AP4E1: variants seen among roughly 807,000 people sequenced by gnomAD.
AP4E1 encodes AP-4 complex subunit epsilon-1.
AP4E1 carries 56 observed loss-of-function variants against 128.2 expected under a neutral mutation model. That is an observed-to-expected ratio of 0.44 (90% CI 0.35 to 0.55). AP4E1 has a LOEUF of 0.55. Among genes scored for constraint, AP4E1 ranks in the 20% least tolerant of loss-of-function variants. The pLI, the probability that AP4E1 is intolerant of heterozygous loss-of-function variation, is 0.00. For missense variants in AP4E1, 1,324 were observed against 1,307.7 expected, an observed-to-expected ratio of 1.01 and a Z score of -0.19; for synonymous variants, 484 against 473.1, an observed-to-expected ratio of 1.02 and a Z score of -0.30.
At chr15:50,937,244 C>T (rs1358715421) in intron 8 of AP4E1, among the ~76,000 whole-genome samples, 1 of 152,160 alleles carries the variant, frequency 6.6e-6, no homozygotes, top group African/African-American at 2.4e-5. Flanking sequence ...ACCAGCATAT[C>T]TCAGTAGCTG....
chr15:50,937,193 T>C (rs1200149150), intron 8 of AP4E1, among the ~76,000 whole-genome samples: 1 of 152,212 alleles, frequency 6.6e-6, no homozygotes, highest in Non-Finnish European at 1.5e-5. Context: ...TTAATTTTAA[T>C]TGTAAGCTTC....
intron 16 of AP4E1, among the ~76,000 whole-genome samples, chr15:50,991,099 A>G (rs1177349078): frequency 6.6e-6 from 1 of 152,208 alleles, no homozygotes; most frequent in African/African-American, 2.4e-5. Context: ...CCATTCATCC[A>G]TCACTGGATG....
chr15:50,910,606 T>G (rs1044877642), intron 1 of AP4E1, among the ~76,000 whole-genome samples: 5 of 152,252 alleles, frequency 3.3e-5, no homozygotes, highest in African/African-American at 1.2e-4. Flanking sequence ...GTTGATGCTA[T>G]CCGGAGAGAA....
At chr15:50,969,102 C>T (rs982215074) in intron 15 of AP4E1, among the ~76,000 whole-genome samples, 7 of 151,664 alleles carry the variant, frequency 4.6e-5, no homozygotes, top group Non-Finnish European at 8.8e-5. Context: ...CAGCTTATTT[C>T]ATCACCCAGG....
intron 14 of AP4E1, among the ~76,000 whole-genome samples, chr15:50,960,112 A>C (rs2064290442): frequency 6.6e-6 from 1 of 152,156 alleles, no homozygotes; most frequent in South Asian, 2.1e-4. Flanking sequence ...CACTGAAGCA[A>C]ATATATATAA....
intron 5 of AP4E1, among the ~76,000 whole-genome samples, chr15:50,925,533 T>C (rs984135028): frequency 6.6e-6 from 1 of 152,188 alleles, no homozygotes; most frequent in Non-Finnish European, 1.5e-5. Context: ...AGCTCCTTAG[T>C]TCTACCAAAG....
intron 15 of AP4E1, among the ~76,000 whole-genome samples, chr15:50,969,663 T>C (rs2140895791): frequency 6.7e-6 from 1 of 149,820 alleles, no homozygotes; most frequent in South Asian, 2.1e-4. Context: ...TATCTTTCTT[T>C]TTTTTTTTTT....
intron 10 of AP4E1, among the ~76,000 whole-genome samples, chr15:50,946,632 A>G (rs2064065283): frequency 6.6e-6 from 1 of 152,244 alleles, no homozygotes; most frequent in Non-Finnish European, 1.5e-5. Flanking sequence ...TTGAAAAATT[A>G]GAACCCTAAA....
chr15:50,968,110 A>G (rs1426783491), intron 14 of AP4E1, among the ~76,000 whole-genome samples, 153 bp from the exon 15 acceptor site: 1 of 152,188 alleles, frequency 6.6e-6, no homozygotes, highest in Admixed American at 6.5e-5. Context: ...ATGAGCCACC[A>G]TGCCTGGCTG....
intron 4 of AP4E1, 104 bp from the exon 5 acceptor site, chr15:50,924,994 A>G: frequency 1.5e-6 from 2 of 1,341,384 alleles, no homozygotes; most frequent in Non-Finnish European, 2.1e-6. Flanking sequence ...TTAATTATAA[A>G]TAGCACAAAA....
At chr15:50,944,845 T>A in intron 10 of AP4E1, 1 of 760,648 alleles carries the variant, frequency 1.3e-6, no homozygotes, top group Non-Finnish European at 2.3e-6. Flanking sequence ...CTTGCTTTGC[T>A]GGATGGTCAC....
chr15:50,984,137 A>G lies in AP4E1; in HGVS notation c.2082A>G (p.Gly694=), dbSNP rs371484589. The G allele has an allele frequency of 3.7e-6, 6 of 1,613,078 alleles. No homozygotes were observed. Among genetic ancestry groups the G allele is most frequent in the Non-Finnish European group, 5.1e-6 (6 of 1,179,350 alleles). The change falls in exon 16 of 21, where the codon GGA becomes GGG. Residue 694 remains glycine (G), a synonymous_variant. Transcript: ENST00000261842. ...TATCTGGGAATAGTGCTGAGACAGG[A>G]CTGAAAGAGTAAGTTCATTTCTTAT... is the stretch of plus-strand genomic sequence containing the variant. The part of the protein sequence containing the change: ...SDVSGNSAET[G]LKETNSLKLE...
At chr15:50,947,637 A>G (rs970648069) in intron 10 of AP4E1, among the ~76,000 whole-genome samples, 1 of 152,164 alleles carries the variant, frequency 6.6e-6, no homozygotes, top group Admixed American at 6.5e-5. Context: ...AGATTTATAC[A>G]CACATACATA....
intron 16 of AP4E1, among the ~76,000 whole-genome samples, chr15:50,992,244 TTA>T (rs1159915881): frequency 6.6e-6 from 1 of 152,116 alleles, no homozygotes. Context: ...AATTGACTGT[TTA>T]TGTTATTAGT....
chr15:50,941,605 C>G, intron 9 of AP4E1, 41 bp downstream of exon 9: 4 of 1,612,100 alleles, frequency 2.5e-6, no homozygotes, highest in Non-Finnish European at 2.5e-6. Context: ...ACAGAGATAG[C>G]TTTTGAAATT....
In AP4E1 at chr15:50,958,737, G is replaced by T; in HGVS notation, c.1794G>T (p.Glu598Asp). The T allele has an allele frequency of 3.1e-6, 5 of 1,614,168 alleles. No individual in the cohort carries two copies. Among genetic ancestry groups the T allele is most frequent in the Non-Finnish European group, 4.2e-6 (5 of 1,180,004 alleles). The part of the protein sequence containing the change: ...QHAFELKHLH[E>D]NVELMKSLLP... The stretch of plus-strand genomic sequence containing the variant: ...CATTTGAATTAAAACATTTGCATGA[G>T]AATGTGGAACTTATGAAGAGCTTGC... Residue 598 changes from glutamate (E) to aspartate (D), a missense_variant, in exon 14 of 21, where the codon GAG becomes GAT. By Grantham distance (45) the Glu-to-Asp change is conservative (BLOSUM62 2). Coordinates refer to ENST00000261842, the MANE Select transcript of AP4E1 (RefSeq NM_007347.5).
At chr15:50,909,567 A>T (rs1044221088) in intron 1 of AP4E1, among the ~76,000 whole-genome samples, 15 of 152,260 alleles carry the variant, frequency 9.9e-5, no homozygotes, top group African/African-American at 3.4e-4. Flanking sequence ...AGTTATAAAA[A>T]TTCTTAAACT....
chr15:50,979,259 G>T (rs146829945), intron 15 of AP4E1, among the ~76,000 whole-genome samples: 2 of 152,140 alleles, frequency 1.3e-5, no homozygotes, highest in Non-Finnish European at 2.9e-5. Flanking sequence ...GTCAAAACCC[G>T]TATTTAAATT....
chr15:50,939,914 T>A (rs1395515055), intron 8 of AP4E1, among the ~76,000 whole-genome samples: 1 of 152,228 alleles, frequency 6.6e-6, no homozygotes, highest in Non-Finnish European at 1.5e-5. Flanking sequence ...TATTTTAGGC[T>A]TTGCAGGTCA....
Sources: allele counts gnomAD v4.1 joint callset (sites outside exome capture counted in the v4.1 genomes callset), GRCh38; gene constraint gnomAD v4.1.1; transcripts MANE v1.5; gene names NCBI Gene and HGNC (gene_info 2026-07-23, HGNC 2026-07-21).